KIAA0825: variants seen among roughly 807,000 people sequenced by gnomAD.
KIAA0825 encodes the protein uncharacterized protein KIAA0825.
KIAA0825 carries 119 observed loss-of-function variants against 147.6 expected under a neutral mutation model. That is an observed-to-expected ratio of 0.81 (90% CI 0.69 to 0.94). The LOEUF (loss-of-function observed/expected upper bound fraction) is 0.94. Among genes scored for constraint, KIAA0825 ranks in the 40% least tolerant of loss-of-function variants. The pLI is 0.00. For missense variants in KIAA0825, 1,381 were observed against 1,472.7 expected (o/e 0.94, Z 1.02); for synonymous variants, 470 against 518.1 (o/e 0.91, Z 1.26).
At chr5:94,386,671 T>C (rs1263853263) in intron 18 of KIAA0825, among the ~76,000 whole-genome samples, 1 of 152,212 alleles carries the variant, frequency 6.6e-6, no homozygotes, top group Admixed American at 6.5e-5. Context: ...ATATGTTTGA[T>C]ATATCAGGAC....
At chr5:94,313,013 A>G (rs1779320625) in intron 20 of KIAA0825, among the ~76,000 whole-genome samples, 1 of 151,608 alleles carries the variant, frequency 6.6e-6, no homozygotes, top group Non-Finnish European at 1.5e-5. Context: ...TACATTCTAC[A>G]TTTTCTAATC....
chr5:94,329,378 G>C (rs1025321268), intron 20 of KIAA0825, among the ~76,000 whole-genome samples: 1 of 152,074 alleles, frequency 6.6e-6, no homozygotes, highest in Admixed American at 6.5e-5. Context: ...TGAATATACA[G>C]ATTGAAAGGA....
chr5:94,263,222 C>T (rs904116600), intron 20 of KIAA0825, among the ~76,000 whole-genome samples: 1 of 152,146 alleles, frequency 6.6e-6, no homozygotes, highest in Non-Finnish European at 1.5e-5. Flanking sequence ...GATGTAGCAA[C>T]ACAAATGTTC....
chr5:94,292,496 G>A (rs1777943244), intron 20 of KIAA0825, among the ~76,000 whole-genome samples: 1 of 152,240 alleles, frequency 6.6e-6, no homozygotes. Context: ...ATGTGCTGCT[G>A]GATTCAGTTT....
At chr5:94,581,135 T>G (rs748958793) in intron 2 of KIAA0825, among the ~76,000 whole-genome samples, 1 of 151,902 alleles carries the variant, frequency 6.6e-6, no homozygotes, top group Non-Finnish European at 1.5e-5. Flanking sequence ...AAAAAATCAA[T>G]AGTGAAACAT....
chr5:94,329,101 C>T (rs1781006029), intron 20 of KIAA0825, among the ~76,000 whole-genome samples: 1 of 151,930 alleles, frequency 6.6e-6, no homozygotes, highest in African/African-American at 2.4e-5. Context: ...AATTTTGCCA[C>T]ATTACCTCAG....
chr5:94,564,485 T>A (rs1384195289), intron 2 of KIAA0825, among the ~76,000 whole-genome samples: 3 of 136,640 alleles, frequency 2.2e-5, no homozygotes, highest in Admixed American at 7.4e-5. Flanking sequence ...TGTGTGTGTG[T>A]GATGGAGATG....
chr5:94,495,582 G>A (rs949320806), intron 5 of KIAA0825, among the ~76,000 whole-genome samples: 3 of 152,220 alleles, frequency 2.0e-5, no homozygotes, highest in African/African-American at 7.2e-5. Flanking sequence ...GGGTGACTAA[G>A]GAGGGCCATA....
At chr5:94,593,273 T>G in intron 1 of KIAA0825, 6 of 768,864 alleles carry the variant, frequency 7.8e-6, no homozygotes, top group Non-Finnish European at 1.5e-5. Context: ...CATTTGTATT[T>G]TAGTCCATTA....
intron 5 of KIAA0825, among the ~76,000 whole-genome samples, chr5:94,505,171 G>A (rs749310505): frequency 6.6e-6 from 1 of 151,760 alleles, no homozygotes; most frequent in Non-Finnish European, 1.5e-5. Context: ...CCAGCCTAGC[G>A]AACACAGTGA....
chr5:94,537,579 T>C (rs1329851798), intron 2 of KIAA0825, among the ~76,000 whole-genome samples: 1 of 138,126 alleles, frequency 7.2e-6, no homozygotes, highest in Non-Finnish European at 1.5e-5. Context: ...TGAACCCAGA[T>C]GGAGCTTGCA....
chr5:94,184,213 A>G (rs1411961793), intron 20 of KIAA0825, among the ~76,000 whole-genome samples: 1 of 152,224 alleles, frequency 6.6e-6, no homozygotes, highest in African/African-American at 2.4e-5. Flanking sequence ...AGAGATGTTA[A>G]GGATGAAAGG....
intron 14 of KIAA0825, among the ~76,000 whole-genome samples, chr5:94,424,573 A>G (rs927251504): frequency 6.6e-6 from 1 of 152,124 alleles, no homozygotes; most frequent in African/African-American, 2.4e-5. Context: ...AAGCAGAAAT[A>G]TTTCAAATAA....
intron 12 of KIAA0825, among the ~76,000 whole-genome samples, chr5:94,459,667 G>A (rs1007741992): frequency 2.0e-5 from 3 of 151,992 alleles, no homozygotes; most frequent in Non-Finnish European, 4.4e-5. Context: ...CTACCTTCGG[G>A]TATATTTCTG....
At chr5:94,497,560 C>T (rs1326299341) in intron 5 of KIAA0825, among the ~76,000 whole-genome samples, 1 of 151,964 alleles carries the variant, frequency 6.6e-6, no homozygotes, top group Non-Finnish European at 1.5e-5. Flanking sequence ...CACAGAGCCC[C>T]AAAGTAAAAC....
intron 14 of KIAA0825, among the ~76,000 whole-genome samples, chr5:94,435,040 A>T (rs1756159569): frequency 1.3e-5 from 2 of 152,120 alleles, no homozygotes; most frequent in Admixed American, 6.6e-5. Flanking sequence ...CATGTACTTC[A>T]TATTTCTGCA....
chr5:94,501,653 T>A (rs1765102812), intron 5 of KIAA0825, among the ~76,000 whole-genome samples: 1 of 152,162 alleles, frequency 6.6e-6, no homozygotes, highest in African/African-American at 2.4e-5. Context: ...AAATCATAAT[T>A]AATGACTTGA....
rs906836939 is a variant in KIAA0825 at position 94,427,772 on chromosome 5, G to T, written c.2498-10407C>A. Among the ~76,000 whole-genome samples the T allele has an allele frequency of 7.2e-5, 11 of 151,908 alleles. 1 individual carries two copies. The highest frequency in any genetic ancestry group is 2.7e-4 in the African/African-American group (11 of 41,362). ...GGTGTTGAACTCCCCCACTATTTTTGTGTGGCTGTCTAAACCTTTTCATAG... is the reference window on the plus strand; with the variant it reads ...GGTGTTGAACTCCCCCACTATTTTTTTGTGGCTGTCTAAACCTTTTCATAG... On this transcript the variant is annotated intron_variant, in intron 14 of 20. Transcript: ENST00000682413.
chr5:94,584,179 GA>G (rs1443772092), intron 1 of KIAA0825, among the ~76,000 whole-genome samples: 1 of 152,168 alleles, frequency 6.6e-6, no homozygotes, highest in Non-Finnish European at 1.5e-5. Flanking sequence ...AAACTGGATG[GA>G]GAATGAGTTT....
Sources: gnomAD v4.1 joint callset for allele counts (sites outside exome capture counted in the v4.1 genomes callset) on GRCh38, gnomAD v4.1.1 for gene constraint, MANE v1.5 for transcripts, NCBI Gene and HGNC (gene_info 2026-07-23, HGNC 2026-07-21) for gene names.